Variants in UNC5B observed in about 807,000 individuals in gnomAD.
UNC5B encodes netrin receptor UNC5B.
In UNC5B, 56 loss-of-function variants were observed where a neutral mutation model predicts 103.7. That is an observed-to-expected ratio of 0.54 (90% confidence interval 0.44 to 0.67). The LOEUF is 0.67. UNC5B is among the 30% of genes least tolerant of loss of function. UNC5B has a pLI of 0.00. For missense variants in UNC5B, 1,194 were observed against 1,284.5 expected (o/e 0.93, Z 1.08); for synonymous variants, 577 against 542.0 (o/e 1.06, Z -0.90).
chr10:71,233,221 G>A (rs1843715764), intron 1 of UNC5B, among the ~76,000 whole-genome samples: 1 of 152,168 alleles, frequency 6.6e-6, no homozygotes, highest in Non-Finnish European at 1.5e-5. Flanking sequence ...AGGAAGGTAG[G>A]ACCCCTCGGC....
chr10:71,292,096 G>C (rs373364933), intron 10 of UNC5B, among the ~76,000 whole-genome samples: 7 of 152,344 alleles, frequency 4.6e-5, no homozygotes, highest in African/African-American at 1.7e-4. Flanking sequence ...ATATTCCAAC[G>C]TAGTTCAGCA....
At chr10:71,220,329 C>A (rs952694291) in intron 1 of UNC5B, among the ~76,000 whole-genome samples, 1 of 152,164 alleles carries the variant, frequency 6.6e-6, no homozygotes, top group Admixed American at 6.5e-5. Context: ...CCTGCCCCCA[C>A]CAGAGAACAC....
intron 1 of UNC5B, among the ~76,000 whole-genome samples, chr10:71,229,338 G>C (rs999569681): frequency 6.6e-6 from 1 of 152,238 alleles, no homozygotes; most frequent in African/African-American, 2.4e-5. Context: ...ATAGAGAGCA[G>C]AGGAGACCCT....
At chr10:71,227,671 TATATAC>T in intron 1 of UNC5B, among the ~76,000 whole-genome samples, 1 of 142,060 alleles carries the variant, frequency 7.0e-6, no homozygotes, top group East Asian at 2.0e-4. Context: ...TATATACACA[TATATAC>T]ATATATATAC....
intron 1 of UNC5B, among the ~76,000 whole-genome samples, chr10:71,275,728 C>T (rs1310922668): frequency 6.6e-6 from 1 of 152,038 alleles, no homozygotes; most frequent in Non-Finnish European, 1.5e-5. Flanking sequence ...GGTTCCCAAA[C>T]TACCTGCCAA....
intron 1 of UNC5B, among the ~76,000 whole-genome samples, chr10:71,233,861 C>T (rs374612845): frequency 1.1e-4 from 17 of 152,372 alleles, no homozygotes; most frequent in African/African-American, 4.1e-4. Context: ...TGGTCCAACT[C>T]CTGCAGGAGG....
intron 1 of UNC5B, among the ~76,000 whole-genome samples, chr10:71,240,382 T>C (rs772732390): frequency 3.5e-4 from 53 of 152,236 alleles, no homozygotes; most frequent in Non-Finnish European, 2.6e-4. Flanking sequence ...CTTCTCCCAG[T>C]AGGGGGGACC....
At chr10:71,254,548 TC>T (rs1480051917) in intron 1 of UNC5B, among the ~76,000 whole-genome samples, 1 of 152,096 alleles carries the variant, frequency 6.6e-6, no homozygotes, top group African/African-American at 2.4e-5. Context: ...GCCCCCTGGG[TC>T]CCCATCAATA....
chr10:71,239,729 G>T (rs1479372614), intron 1 of UNC5B, among the ~76,000 whole-genome samples: 1 of 151,946 alleles, frequency 6.6e-6, no homozygotes, highest in African/African-American at 2.4e-5. Flanking sequence ...ATGGGTGGGA[G>T]CCCCAGAGAT....
At chr10:71,246,048 C>T (rs1334301180) in intron 1 of UNC5B, among the ~76,000 whole-genome samples, 2 of 152,030 alleles carry the variant, frequency 1.3e-5, no homozygotes, top group Admixed American at 6.5e-5. Flanking sequence ...GGGGCGGCCC[C>T]GAGAGAACTG....
intron 1 of UNC5B, among the ~76,000 whole-genome samples, chr10:71,252,271 C>T (rs1165268580): frequency 2.0e-5 from 3 of 152,196 alleles, no homozygotes; most frequent in East Asian, 1.9e-4. Flanking sequence ...CAGCAGGAAG[C>T]GTGATAGAGC....
intron 1 of UNC5B, among the ~76,000 whole-genome samples, chr10:71,268,494 G>A (rs79966925): frequency 0.031 from 4,669 of 152,084 alleles, 197 homozygotes; most frequent in African/African-American, 0.091. Flanking sequence ...AAGGGTCCCC[G>A]ACTGGAGGTG....
intron 11 of UNC5B, 116 bp downstream of exon 11, chr10:71,292,670 A>G (rs1404358522): frequency 5.7e-6 from 5 of 874,788 alleles, no homozygotes; most frequent in Admixed American, 5.1e-5. Context: ...CAAGGAAAGT[A>G]TTAATCTTAC....
chr10:71,272,603 C>G (rs920410840), intron 1 of UNC5B, among the ~76,000 whole-genome samples: 3 of 152,206 alleles, frequency 2.0e-5, no homozygotes, highest in Non-Finnish European at 2.9e-5. Flanking sequence ...GGCCCCCTGT[C>G]CCTCCTCAGT....
At chr10:71,285,763 G>A (rs897246946) in intron 4 of UNC5B, among the ~76,000 whole-genome samples, 1 of 152,076 alleles carries the variant, frequency 6.6e-6, no homozygotes, top group Admixed American at 6.5e-5. Flanking sequence ...TTCTGGATGC[G>A]AAAGGATCCC....
At chr10:71,268,015 C>T (rs913057493) in intron 1 of UNC5B, among the ~76,000 whole-genome samples, 6 of 152,216 alleles carry the variant, frequency 3.9e-5, no homozygotes, top group African/African-American at 1.4e-4. Context: ...AAGGCCTGGC[C>T]TCCCCGGGGC....
intron 6 of UNC5B, among the ~76,000 whole-genome samples, chr10:71,288,045 G>A (rs1198006896): frequency 6.6e-6 from 1 of 152,196 alleles, no homozygotes; most frequent in Non-Finnish European, 1.5e-5. Flanking sequence ...AGGGTTCTCA[G>A]TGTCAGCATG....
chr10:71,220,354 G>A (rs559213311), intron 1 of UNC5B, among the ~76,000 whole-genome samples: 30 of 152,330 alleles, frequency 2.0e-4, no homozygotes, highest in African/African-American at 5.5e-4. Flanking sequence ...TGGGTAAGAA[G>A]GGGAAGGATG....
rs376852887 is a variant in UNC5B, at chr10:71,289,620, A to C, written c.1099+630A>C. The stretch of plus-strand genomic sequence containing the variant: ...CAGTTAGTTCTGGAATCATAAAATC[A>C]GTGAGGCCCTCGGCCGAGCTCACTG... On this transcript the variant is annotated intron_variant, in intron 8 of 16. Transcript: ENST00000335350. Among the ~76,000 whole-genome samples, 8 of 152,360 alleles carry C rather than the reference A, an allele frequency of 5.3e-5. No individual in the cohort carries two copies. In the East Asian group the frequency reaches 1.4e-3, roughly 26 times the overall value.
Sources: gnomAD v4.1 joint callset for allele counts (sites outside exome capture counted in the v4.1 genomes callset) on GRCh38, gnomAD v4.1.1 for gene constraint, MANE v1.5 for transcripts, NCBI Gene and HGNC (gene_info 2026-07-23, HGNC 2026-07-21) for gene names.